The following LRP1B variants were observed in gnomAD, a reference collection of about 807,000 sequenced individuals.
LRP1B encodes LDL receptor related protein 1B.
LRP1B carries 217 observed loss-of-function variants against 556.6 expected under a neutral mutation model. The ratio of observed to expected loss-of-function variants is 0.39; its 90% confidence interval spans 0.35 to 0.44. LRP1B has a LOEUF of 0.44. LRP1B is among the 20% of genes least tolerant of loss of function. The probability of loss-of-function intolerance (pLI) is 1.00; values close to 1 mark genes in which losing one functional copy is unlikely to be tolerated. For missense variants in LRP1B, 5,053 were observed against 5,620.8 expected (o/e 0.90, Z 3.23); for synonymous variants, 2,047 against 1,865.8 (o/e 1.10, Z -2.50).
intron 18 of LRP1B, among the ~76,000 whole-genome samples, chr2:140,960,082 T>C (rs1695989566): frequency 6.6e-6 from 1 of 151,730 alleles, no homozygotes. Flanking sequence ...CTGAAAATAA[T>C]ACACCTTGAG....
At chr2:142,083,736 A>G (rs1559061597) in intron 1 of LRP1B, among the ~76,000 whole-genome samples, 1 of 152,232 alleles carries the variant, frequency 6.6e-6, no homozygotes, top group Non-Finnish European at 1.5e-5. Flanking sequence ...TAATCATTTC[A>G]TTAGGAAGTT....
chr2:142,130,905 A>G lies in LRP1B; in HGVS notation c.-176T>C. 3.0e-6 allele frequency: 2 copies of G among 660,354 alleles called. No individual in the cohort carries two copies. Among genetic ancestry groups the G allele is most frequent in the Non-Finnish European group, 2.7e-6 (1 of 365,696 alleles). The allele number at this position is 660,354 out of a possible 1,614,324, so 40.9% of individuals were successfully genotyped here. The stretch of plus-strand genomic sequence containing the variant: ...AGCCAGTCAGCCTTCTCCTGCCTGG[A>G]GCAGGATGTGGAAGGTGGAGGGATG... On this transcript the variant is annotated 5_prime_UTR_variant, in exon 1 of 91. Transcript: ENST00000389484.
At chr2:140,235,517 T>C (rs1342983502) in intron 89 of LRP1B, among the ~76,000 whole-genome samples, 1 of 151,134 alleles carries the variant, frequency 6.6e-6, no homozygotes, top group Non-Finnish European at 1.5e-5. Context: ...GAACTAGCTG[T>C]TTTTTTCTGT....
At chr2:140,735,746 A>G (rs564607327) in intron 35 of LRP1B, among the ~76,000 whole-genome samples, 17 of 152,218 alleles carry the variant, frequency 1.1e-4, no homozygotes, top group Admixed American at 3.9e-4. Flanking sequence ...TAGGACATGC[A>G]CTCACTTTCT....
At position 141,243,310 on chromosome 2, in the gene LRP1B, C is replaced by T. The variant is rs537837951; in HGVS notation, c.592+3916G>A. Among the ~76,000 whole-genome samples the T allele has an allele frequency of 1.5e-3, 225 of 151,860 alleles. 1 individual carries two copies. Among genetic ancestry groups the T allele is most frequent in the African/African-American group, 5.0e-3 (208 of 41,432 alleles). On this transcript the variant is annotated intron_variant, in intron 5 of 90. Coordinates refer to ENST00000389484, the MANE Select transcript of LRP1B (RefSeq NM_018557.3). ...CCAGCCTGGGCAACAGAGAGAGATC[C>T]TGTGTGTACAAAAAATTTTTAAATT...
At chr2:141,459,874 G>T (rs375080803) in intron 3 of LRP1B, among the ~76,000 whole-genome samples, 3 of 152,104 alleles carry the variant, frequency 2.0e-5, no homozygotes, top group African/African-American at 7.2e-5. Context: ...AGAAGGCATG[G>T]ATATGCAAAC....
intron 1 of LRP1B, among the ~76,000 whole-genome samples, chr2:142,043,995 A>G (rs1021729556): frequency 1.6e-4 from 25 of 151,758 alleles, no homozygotes; most frequent in Admixed American, 7.9e-4. Context: ...AACCTCAAAC[A>G]TGTACAATTA....
chr2:140,461,401 T>C (rs997862310), intron 60 of LRP1B, among the ~76,000 whole-genome samples: 7 of 152,210 alleles, frequency 4.6e-5, no homozygotes, highest in Non-Finnish European at 1.0e-4. Context: ...CTTTCTGCAC[T>C]GAGTTAGTAT....
intron 6 of LRP1B, among the ~76,000 whole-genome samples, chr2:141,218,455 T>G (rs1347367178): frequency 6.6e-6 from 1 of 152,068 alleles, no homozygotes; most frequent in Non-Finnish European, 1.5e-5. Flanking sequence ...TATGTAGCCA[T>G]AAAAGGATGA....
chr2:141,853,939 A>T (rs1447228805), intron 1 of LRP1B, among the ~76,000 whole-genome samples: 1 of 151,984 alleles, frequency 6.6e-6, no homozygotes, highest in Non-Finnish European at 1.5e-5. Flanking sequence ...CAATTATTAA[A>T]TCCATGAAGC....
intron 2 of LRP1B, among the ~76,000 whole-genome samples, chr2:141,726,794 A>G (rs1301379472): frequency 6.6e-6 from 1 of 152,114 alleles, no homozygotes; most frequent in Non-Finnish European, 1.5e-5. Flanking sequence ...TGATGGGATA[A>G]CTTATAAAGT....
chr2:141,839,603 C>T (rs1488943650), intron 1 of LRP1B, among the ~76,000 whole-genome samples: 3 of 152,240 alleles, frequency 2.0e-5, no homozygotes, highest in East Asian at 1.9e-4. Flanking sequence ...TAGGCTTAAG[C>T]GGTGGTTCCT....
At chr2:141,223,943 C>A (rs571462701) in intron 6 of LRP1B, among the ~76,000 whole-genome samples, 20 of 152,026 alleles carry the variant, frequency 1.3e-4, no homozygotes, top group African/African-American at 4.8e-4. Flanking sequence ...GAAGAAAATC[C>A]AGATAATACC....
rs748885689 is a variant in LRP1B at position 140,700,232 on chromosome 2, T to C, written c.6799+18A>G. The C allele has an allele frequency of 6.3e-6, 10 of 1,593,140 alleles. No individual in the cohort carries two copies. In the East Asian group the frequency reaches 2.0e-4, roughly 32 times the overall value. On this transcript the variant is annotated intron_variant, in intron 41 of 90. Coordinates refer to ENST00000389484, the MANE Select transcript of LRP1B (RefSeq NM_018557.3). Reference sequence around the variant, plus strand: ...GATACTCATTTCCACCTATTTAAAATTGAATTACTGTACTTACTTTCAACA... The same window carrying C: ...GATACTCATTTCCACCTATTTAAAACTGAATTACTGTACTTACTTTCAACA...
At chr2:140,683,913 G>C (rs1574237480) in intron 41 of LRP1B, 1 of 478,134 alleles carries the variant, frequency 2.1e-6, no homozygotes, top group East Asian at 3.7e-5. Context: ...GGCTGCCCGC[G>C]GCTTGCCCCC....
At chr2:140,716,451 G>A (rs1016037036) in intron 36 of LRP1B, among the ~76,000 whole-genome samples, 2 of 152,008 alleles carry the variant, frequency 1.3e-5, no homozygotes, top group Non-Finnish European at 2.9e-5. Flanking sequence ...GAGCTCTCAG[G>A]AGATTTGGGC....
intron 2 of LRP1B, among the ~76,000 whole-genome samples, chr2:141,610,071 TG>T (rs1688052841): frequency 6.6e-6 from 1 of 152,180 alleles, no homozygotes; most frequent in Non-Finnish European, 1.5e-5. Flanking sequence ...ATTGTGTTCT[TG>T]GCTAATTAAT....
chr2:140,951,845 G>A lies in LRP1B; in HGVS notation c.2968+15C>T, dbSNP rs1486298202. On this transcript the variant is annotated intron_variant, in intron 19 of 90. Transcript: ENST00000389484. ...CGATCAAATTAGTGCTATACAGTGA[G>A]CATTTGGTACTTGCCAGAGTCGCAG... The A allele has an allele frequency of 6.2e-7, 1 of 1,600,436 alleles. No homozygotes were observed. Among genetic ancestry groups the A allele is most frequent in the Non-Finnish European group, 8.6e-7 (1 of 1,167,480 alleles).
rs201696166 is a variant in LRP1B, at chr2:140,702,253, T to A, written c.6190A>T (p.Ile2064Leu). Residue 2064 changes from isoleucine (I) to leucine (L), a missense_variant, in exon 39 of 91, where the codon ATA becomes TTA. This residue lies in a region of LRP1B where 3,619 missense variants were observed against 3,931.9 expected (regional missense o/e 0.92). Coordinates refer to ENST00000389484, the MANE Select transcript of LRP1B (RefSeq NM_018557.3). ...LYWCDARTDK[I>L]ERIDLETGGN... ...CCAGTCTCAAGGTCGATTCTCTCTA[T>A]CTTGTCTGTGCGAGCATCACACCAG... is the stretch of plus-strand genomic sequence containing the variant. The A allele has an allele frequency of 3.7e-6, 6 of 1,613,648 alleles. No homozygotes were observed. In the South Asian group the frequency reaches 4.4e-5, roughly 12 times the overall value.
Sources: gnomAD v4.1 joint callset for allele counts (sites outside exome capture counted in the v4.1 genomes callset) on GRCh38, gnomAD v4.1.1 for gene constraint, gnomAD v4.1.1 regional missense constraint, MANE v1.5 for transcripts, NCBI Gene and HGNC (gene_info 2026-07-23, HGNC 2026-07-21) for gene names.